The following KCNQ5 variants were observed in gnomAD, a reference collection of about 807,000 sequenced individuals.
The protein encoded by KCNQ5 is potassium voltage-gated channel subfamily Q member 5.
A neutral mutation model predicts 98.2 loss-of-function variants in KCNQ5; 30 were observed. The ratio of observed to expected loss-of-function variants is 0.31; its 90% CI spans 0.23 to 0.41. The LOEUF (loss-of-function observed/expected upper bound fraction) is 0.41. KCNQ5 is among the 10% of genes least tolerant of loss of function. The pLI is 1.00. For missense variants in KCNQ5, 835 were observed against 1,182.5 expected, an observed-to-expected ratio of 0.71 and a Z score of 4.31; for synonymous variants, 458 against 449.4, an observed-to-expected ratio of 1.02 and a Z score of -0.24.
At chr6:72,812,215 G>C (rs1233265551) in intron 1 of KCNQ5, among the ~76,000 whole-genome samples, 2 of 152,086 alleles carry the variant, frequency 1.3e-5, no homozygotes, top group African/African-American at 4.8e-5. Context: ...TTTATGACCT[G>C]TATCTTATGA....
chr6:72,938,411 G>A (rs550246716), intron 1 of KCNQ5, among the ~76,000 whole-genome samples: 10 of 151,950 alleles, frequency 6.6e-5, no homozygotes, highest in South Asian at 2.1e-4. Flanking sequence ...ATGGAGTCTC[G>A]CTCTGTCACC....
intron 3 of KCNQ5, among the ~76,000 whole-genome samples, chr6:73,061,533 C>T (rs73753237): frequency 1.4e-3 from 210 of 152,234 alleles, no homozygotes; most frequent in African/African-American, 4.9e-3. Flanking sequence ...ACTCCAGGCA[C>T]TTTTGTCATT....
intron 1 of KCNQ5, among the ~76,000 whole-genome samples, chr6:72,702,378 A>G (rs1320926835): frequency 3.9e-5 from 6 of 152,210 alleles, no homozygotes; most frequent in Admixed American, 3.9e-4. Flanking sequence ...AATAAATATG[A>G]ACATTCCTGA....
At chr6:72,859,241 C>G (rs1198378904) in intron 1 of KCNQ5, among the ~76,000 whole-genome samples, 1 of 151,936 alleles carries the variant, frequency 6.6e-6, no homozygotes, top group African/African-American at 2.4e-5. Flanking sequence ...ATAAACTTTT[C>G]CTTTTAACTA....
intron 9 of KCNQ5, chr6:73,125,414 C>A (rs1775937242): frequency 1.9e-6 from 1 of 518,046 alleles, no homozygotes; most frequent in African/African-American, 1.9e-5. Context: ...AGAGGCAGAA[C>A]CAGCAAGGAG....
chr6:72,950,080 T>G (rs150659545), intron 1 of KCNQ5, among the ~76,000 whole-genome samples: 189 of 152,274 alleles, frequency 1.2e-3, no homozygotes, highest in African/African-American at 4.4e-3. Context: ...TCACAGAAAT[T>G]TCTCTTGAAT....
In KCNQ5 at chr6:72,981,771, T is replaced by G. The variant is rs532052676; in HGVS notation, c.399-22137T>G. ...ATGTTAAGGTGTTGATTTTAGATCT[T>G]TCCTGCTTTCTCTTGTGGGCATTTA... On this transcript the variant is annotated intron_variant, in intron 1 of 13. Transcript: ENST00000370398. 9.8e-5 allele frequency among the ~76,000 whole-genome samples: 15 copies of G among 152,356 alleles called. No individual in the cohort carries two copies. The South Asian group carries it at 2.1e-3, about 21-fold the overall frequency.
intron 1 of KCNQ5, among the ~76,000 whole-genome samples, chr6:72,979,091 G>A: frequency 6.6e-6 from 1 of 152,104 alleles, no homozygotes; most frequent in Non-Finnish European, 1.5e-5. Context: ...TGAATATTTG[G>A]GTTGGTTCCA....
At chr6:72,761,290 G>A (rs890813921) in intron 1 of KCNQ5, among the ~76,000 whole-genome samples, 1 of 151,984 alleles carries the variant, frequency 6.6e-6, no homozygotes, top group South Asian at 2.1e-4. Context: ...ACAGAGATAA[G>A]AAGAACTTAA....
At chr6:73,114,299 G>C (rs553759170) in intron 7 of KCNQ5, among the ~76,000 whole-genome samples, 19 of 152,186 alleles carry the variant, frequency 1.2e-4, no homozygotes, top group African/African-American at 4.3e-4. Flanking sequence ...AAACCATCAA[G>C]CCCAAAAGCG....
intron 1 of KCNQ5, among the ~76,000 whole-genome samples, chr6:72,640,319 T>G (rs1251548314): frequency 6.6e-6 from 1 of 151,190 alleles, no homozygotes; most frequent in African/African-American, 2.4e-5. Context: ...TAAAGCTCCT[T>G]ATATAATTGC....
intron 1 of KCNQ5, among the ~76,000 whole-genome samples, chr6:72,981,667 G>A (rs1768461573): frequency 6.6e-6 from 1 of 152,044 alleles, no homozygotes; most frequent in Non-Finnish European, 1.5e-5. Context: ...CTTCAGTTCT[G>A]CTCTGATCTT....
At chr6:72,817,418 CATG>C (rs1485653282) in intron 1 of KCNQ5, among the ~76,000 whole-genome samples, 2 of 152,114 alleles carry the variant, frequency 1.3e-5, no homozygotes, top group Admixed American at 1.3e-4. Context: ...GTAAAACAAA[CATG>C]ATGCTACAGC....
chr6:73,142,061 A>G (rs1033512135), intron 10 of KCNQ5, among the ~76,000 whole-genome samples: 1 of 152,208 alleles, frequency 6.6e-6, no homozygotes, highest in African/African-American at 2.4e-5. Context: ...TCCTTGCCAC[A>G]TTATTCACAC....
At chr6:73,110,044 G>A (rs1417587976) in intron 6 of KCNQ5, among the ~76,000 whole-genome samples, 1 of 152,030 alleles carries the variant, frequency 6.6e-6, no homozygotes, top group East Asian at 1.9e-4. Context: ...ACACCTTCTA[G>A]AAATGAAAAA....
intron 11 of KCNQ5, 92 bp from the exon 12 acceptor site, chr6:73,190,481 C>A: frequency 1.6e-6 from 1 of 623,224 alleles, no homozygotes; most frequent in South Asian, 5.2e-5. Context: ...ACTTTTCCCC[C>A]CAGAGTTTCT....
intron 1 of KCNQ5, among the ~76,000 whole-genome samples, chr6:72,934,409 T>G (rs1221354399): frequency 6.6e-6 from 1 of 152,084 alleles, no homozygotes; most frequent in Non-Finnish European, 1.5e-5. Flanking sequence ...GTGATGACAG[T>G]GGTGATAGTG....
intron 1 of KCNQ5, among the ~76,000 whole-genome samples, chr6:72,743,535 A>T (rs934061502): frequency 1.3e-5 from 2 of 152,210 alleles, no homozygotes; most frequent in Admixed American, 1.3e-4. Flanking sequence ...TTTCAAATCC[A>T]ATTTATTAAT....
chr6:72,887,694 ATTAAAT>A (rs1778899951), intron 1 of KCNQ5, among the ~76,000 whole-genome samples: 1 of 152,190 alleles, frequency 6.6e-6, no homozygotes, highest in South Asian at 2.1e-4. Context: ...AAATATACTG[ATTAAAT>A]TTAAACTTTA....
Sources: allele counts gnomAD v4.1 joint callset (sites outside exome capture counted in the v4.1 genomes callset), GRCh38; gene constraint gnomAD v4.1.1; transcripts MANE v1.5; gene names NCBI Gene and HGNC (gene_info 2026-07-23, HGNC 2026-07-21).